The following ADCY7 variants were observed in gnomAD, a reference collection of about 807,000 sequenced individuals.
The protein encoded by ADCY7 is adenylate cyclase type 7.
Under a neutral mutation model 120.6 loss-of-function variants are expected in ADCY7, and 72 were observed. The ratio of observed to expected loss-of-function variants is 0.60; its 90% CI spans 0.49 to 0.73. ADCY7 has a LOEUF of 0.73. ADCY7 is among the 30% of genes least tolerant of loss of function. The pLI is 0.00. For missense variants in ADCY7, 1,227 were observed against 1,486.0 expected (o/e 0.83, Z 2.87); for synonymous variants, 661 against 628.0 (o/e 1.05, Z -0.78).
At chr16:50,284,453 G>T (rs1412859696) in intron 1 of ADCY7, among the ~76,000 whole-genome samples, 1 of 152,252 alleles carries the variant, frequency 6.6e-6, no homozygotes, top group African/African-American at 2.4e-5. Context: ...CTGGCTTTGT[G>T]TGCCTGGAGC....
chr16:50,315,636 C>T lies in ADCY7; in HGVS notation c.*131C>T, dbSNP rs1184148384. ...GCTGTGCATGTTGGCTTCTTTGGAC[C>T]TGCACTGGAGGATTTCTCAGACACA... On this transcript the variant is annotated 3_prime_UTR_variant, in exon 26 of 26. Coordinates refer to ENST00000673801, the MANE Select transcript of ADCY7 (RefSeq NM_001114.5). 1 of 1,176,912 alleles carries T rather than the reference C, an allele frequency of 8.5e-7. No homozygotes were observed. The allele number at this position is 1,176,912 out of a possible 1,614,324, so 72.9% of individuals were successfully genotyped here.
chr16:50,311,809 C>CT (rs745494382), intron 20 of ADCY7, 23 bp downstream of exon 20: 1 of 1,338,356 alleles, frequency 7.5e-7, no homozygotes, highest in Non-Finnish European at 1.0e-6. Flanking sequence ...GCCCCCCCCC[C>CT]CCCCCCAAGC....
intron 5 of ADCY7, 72 bp downstream of exon 5, chr16:50,292,897 T>G: frequency 6.4e-7 from 1 of 1,560,030 alleles, no homozygotes; most frequent in South Asian, 1.2e-5. Flanking sequence ...CATGAGACAC[T>G]CATGCTGCCA....
At chr16:50,253,061 C>G (rs2032806828) in intron 1 of ADCY7, among the ~76,000 whole-genome samples, 1 of 152,124 alleles carries the variant, frequency 6.6e-6, no homozygotes, top group South Asian at 2.1e-4. Flanking sequence ...TAAAGTGTTA[C>G]AGACATCAGC....
chr16:50,246,922 G>A (rs2150768198), intron 1 of ADCY7, among the ~76,000 whole-genome samples: 1 of 152,336 alleles, frequency 6.6e-6, no homozygotes, highest in East Asian at 1.9e-4. Flanking sequence ...CTGAGTCCCA[G>A]AGCTGAAGCT....
chr16:50,306,945 C>A, intron 14 of ADCY7, 105 bp from the exon 15 acceptor site: 1 of 830,934 alleles, frequency 1.2e-6, no homozygotes, highest in South Asian at 1.6e-5. Context: ...AAGCGTGAGC[C>A]ACTGTCCCAG....
chr16:50,279,226 G>C (rs2034103395), intron 1 of ADCY7, among the ~76,000 whole-genome samples: 1 of 152,104 alleles, frequency 6.6e-6, no homozygotes, highest in Non-Finnish European at 1.5e-5. Flanking sequence ...GTCACTGCTG[G>C]ACCCACTGTC....
rs563595264 is a variant in ADCY7, at chr16:50,317,751, T to C, written c.*2246T>C. ...ATTACCAAGTAATTACTGGTGTCAT[T>C]TTGTTTTATGACAGACACACGTATC... On this transcript the variant is annotated 3_prime_UTR_variant, in exon 26 of 26. Transcript: ENST00000673801. 7.9e-5 allele frequency: 12 copies of C among 152,490 alleles called. No homozygotes were observed. Among genetic ancestry groups the C allele is most frequent in the African/African-American group, 2.9e-4 (12 of 41,584 alleles). The allele number at this position is 152,490 out of a possible 1,614,324, so 9.4% of individuals were successfully genotyped here. A position where few individuals can be genotyped will look rare whatever the true frequency, so the allele number is the denominator to read the frequency against.
At chr16:50,260,460 C>T (rs894924672) in intron 1 of ADCY7, among the ~76,000 whole-genome samples, 7 of 152,226 alleles carry the variant, frequency 4.6e-5, no homozygotes, top group African/African-American at 9.6e-5. Flanking sequence ...ATCATGAAGA[C>T]TCTGCTTCTC....
Position 50,312,898 on chromosome 16 carries a change from C to A in ADCY7, c.2613C>A (p.Tyr871Ter). The change falls in exon 22 of 26, where the codon TAC becomes TAA. Residue 871 changes from tyrosine to a stop codon, truncating the protein, a stop_gained. Transcript: ENST00000673801. LOFTEE classifies it high-confidence loss of function. Reference protein sequence around the residue: ...FIGDKLNEDWYHQSYDCVCVM... With the variant: ...FIGDKLNEDW ...GGTTTCTTCCCATCCAGGACTGGTA[C>A]CATCAGTCCTATGACTGCGTCTGTG... 6.2e-7 allele frequency: 1 copy of A among 1,614,126 alleles called. No homozygotes were observed. The highest frequency in any genetic ancestry group is 8.5e-7 in the Non-Finnish European group (1 of 1,179,996).
At chr16:50,280,733 C>T (rs1408400621) in intron 1 of ADCY7, among the ~76,000 whole-genome samples, 2 of 152,224 alleles carry the variant, frequency 1.3e-5, no homozygotes, top group Non-Finnish European at 2.9e-5. Context: ...TTTTCATTAA[C>T]TGATTCAGCC....
chr16:50,286,028 T>C (rs965643614), intron 1 of ADCY7, among the ~76,000 whole-genome samples: 1 of 152,068 alleles, frequency 6.6e-6, no homozygotes, highest in Non-Finnish European at 1.5e-5. Context: ...TGTGTCCCTC[T>C]CTGAGACTCA....
In ADCY7 at chr16:50,309,550, C is replaced by T; in HGVS notation, c.2064C>T (p.Pro688=). 6.2e-7 allele frequency: 1 copy of T among 1,613,972 alleles called. No homozygotes were observed. The highest frequency in any genetic ancestry group is 8.5e-7 in the Non-Finnish European group (1 of 1,179,934). ...ATGGGGACCTGTCTCCTCTACAGCC[C>T]CTGATGCCTTTCCAAGTTCCAGAGC... ...SLLTVAIINL[P]LMPFQVPELP... is the part of the protein sequence containing the mutation. Residue 688 remains proline (P), a splice_region_variant and synonymous_variant, in exon 18 of 26, where the codon CCC becomes CCT. Transcript: ENST00000673801.
upstream of ADCY7, among the ~76,000 whole-genome samples, chr16:50,245,767 C>A (rs1335672571): frequency 3.3e-5 from 5 of 152,090 alleles, no homozygotes; most frequent in Admixed American, 2.6e-4. Flanking sequence ...AGGCCTGGGG[C>A]AGAAACACTG....
intron 1 of ADCY7, among the ~76,000 whole-genome samples, chr16:50,256,276 A>G (rs2032916265): frequency 3.9e-5 from 6 of 152,228 alleles, no homozygotes; most frequent in Admixed American, 3.9e-4. Flanking sequence ...CTGAATAGGC[A>G]TTTTTCAAAA....
At chr16:50,272,584 C>G (rs1222986315) in intron 1 of ADCY7, among the ~76,000 whole-genome samples, 4 of 152,164 alleles carry the variant, frequency 2.6e-5, no homozygotes, top group African/African-American at 9.7e-5. Flanking sequence ...GTTGGAGTTG[C>G]AGGCCCTGCC....
upstream of ADCY7, among the ~76,000 whole-genome samples, chr16:50,264,722 T>C (rs2033147018): frequency 6.6e-6 from 1 of 152,238 alleles, no homozygotes; most frequent in African/African-American, 2.4e-5. Flanking sequence ...AGTATCTTTT[T>C]CATGTGCTTA....
At chr16:50,309,939 C>A (rs1488294554) in intron 18 of ADCY7, among the ~76,000 whole-genome samples, 1 of 152,186 alleles carries the variant, frequency 6.6e-6, no homozygotes, top group African/African-American at 2.4e-5. Flanking sequence ...GGCACTTCCT[C>A]TCTGACAGGC....
intron 21 of ADCY7, 144 bp downstream of exon 21, chr16:50,312,335 T>C (rs1050961345): frequency 1.1e-6 from 1 of 899,042 alleles, no homozygotes; most frequent in African/African-American, 1.7e-5. Flanking sequence ...CGACAATGTA[T>C]GGCATCAGCT....
Sources: gnomAD v4.1 joint callset for allele counts (sites outside exome capture counted in the v4.1 genomes callset) on GRCh38, gnomAD v4.1.1 for gene constraint, MANE v1.5 for transcripts, NCBI Gene and HGNC (gene_info 2026-07-23, HGNC 2026-07-21) for gene names.